The following WNT2B variants were observed in gnomAD, a reference collection of about 807,000 sequenced individuals.
WNT2B encodes the protein Wnt family member 2B, also known as protein Wnt-2b.
WNT2B carries 19 observed loss-of-function variants against 40.5 expected under a neutral mutation model. The observed-to-expected ratio is 0.47, with a 90% CI of 0.33 to 0.69. The LOEUF is 0.69. Ranked by LOEUF, WNT2B falls within the 30% of genes least tolerant of loss-of-function variation. The pLI, the probability that WNT2B is intolerant of heterozygous loss-of-function variation, is 0.02. For synonymous variants in WNT2B, 220 were observed against 211.9 expected, an observed-to-expected ratio of 1.04 and a Z score of -0.33; for missense variants, 467 against 556.4, an observed-to-expected ratio of 0.84 and a Z score of 1.62.
At chr1:112,488,171 C>T (rs1404159638) in intron 1 of WNT2B, among the ~76,000 whole-genome samples, 1 of 151,790 alleles carries the variant, frequency 6.6e-6, no homozygotes. Flanking sequence ...GTGGTGCACG[C>T]CTAGTAATCC....
chr1:112,509,109 C>G lies in WNT2B; in HGVS notation c.-154C>G. On this transcript the variant is annotated 5_prime_UTR_variant, in exon 1 of 5. Coordinates refer to ENST00000369684, the MANE Select transcript of WNT2B (RefSeq NM_024494.3). The surrounding 1 kb of genome is among the most constrained non-coding windows in gnomAD (Gnocchi z 4.2). ...ACTTGCGCCCCTCTCGGGGATCCTC[C>G]TCCCGGGCTCTGGACCCCAGGTGAT... 7.4e-7 allele frequency: 1 copy of G among 1,358,886 alleles called. No individual in the cohort carries two copies. The highest frequency in any genetic ancestry group is 9.4e-7 in the Non-Finnish European group (1 of 1,064,012). 84.2% of individuals were successfully genotyped at this position (1,358,886 alleles called of 1,614,324 possible). A position where few individuals can be genotyped will look rare whatever the true frequency, so the allele number is the denominator to read the frequency against.
intron 1 of WNT2B, among the ~76,000 whole-genome samples, chr1:112,492,436 G>A (rs1166991753): frequency 6.6e-6 from 1 of 152,206 alleles, no homozygotes; most frequent in African/African-American, 2.4e-5. Flanking sequence ...TGGAGACTCA[G>A]TATGGACAAC....
At position 112,497,674 on chromosome 1, in the gene WNT2B, CCAAA is replaced by C. The variant is rs139985516; in HGVS notation, c.-94-17197_-94-17194del. 8.1e-3 allele frequency among the ~76,000 whole-genome samples: 1,234 copies of C among 152,344 alleles called. 12 individuals carry two copies. The highest frequency in any genetic ancestry group is 0.028 in the African/African-American group (1,148 of 41,564). The stretch of plus-strand genomic sequence containing the variant: ...CCTTCTATCCTTATTAATCTCCTTA[CCAAA>C]CAGTCACTTGGCCACACCTTTGGTT... On this transcript the variant is annotated intron_variant, in intron 1 of 4. Transcript: ENST00000256640.
At chr1:112,498,077 C>T (rs1308698954) in intron 1 of WNT2B, among the ~76,000 whole-genome samples, 2 of 149,334 alleles carry the variant, frequency 1.3e-5, no homozygotes, top group Admixed American at 1.3e-4. Flanking sequence ...TGTCCCCTTT[C>T]CCCCCCAACC....
At chr1:112,502,367 G>C (rs1016622087) in intron 1 of WNT2B, among the ~76,000 whole-genome samples, 1 of 152,228 alleles carries the variant, frequency 6.6e-6, no homozygotes, top group African/African-American at 2.4e-5. Flanking sequence ...GGAGGGCTGC[G>C]CCGGGCAGAT....
chr1:112,501,653 A>ATG (rs34840384), intron 1 of WNT2B, among the ~76,000 whole-genome samples: 49,045 of 151,932 alleles, frequency 0.32, 8,993 homozygotes, highest in South Asian at 0.56. Context: ...TCCTGAGTTT[A>ATG]TGTTAATTTT....
rs1652243837 is a variant in WNT2B at position 112,509,179 on chromosome 1, G to T, written c.-84G>T. 1.4e-6 allele frequency: 2 copies of T among 1,398,662 alleles called. No homozygotes were observed. Among genetic ancestry groups the T allele is most frequent in the African/African-American group, 1.5e-5 (1 of 65,628 alleles). The allele number at this position is 1,398,662 out of a possible 1,614,324, so 86.6% of individuals were successfully genotyped here. On this transcript the variant is annotated 5_prime_UTR_variant, in exon 1 of 5. Transcript: ENST00000369684. This position sits in a 1 kb window ranked among gnomAD's most constrained non-coding sequence, Gnocchi z 4.2. ...GCGAACACCATGGCCCCCCAGGGGG[G>T]TGAGGTAGGAGCAGCCTGAGTACCC...
intron 1 of WNT2B, among the ~76,000 whole-genome samples, chr1:112,472,559 G>GAAAAAAAAAAAA (rs35939097): frequency 1.1e-5 from 1 of 89,128 alleles, no homozygotes; most frequent in Non-Finnish European, 2.5e-5. Flanking sequence ...CCCAACCAAT[G>GAAAAAAAAAAAA]AAAAAAAAAA....
At chr1:112,471,274 A>C (rs758121493) in intron 1 of WNT2B, among the ~76,000 whole-genome samples, 2 of 152,172 alleles carry the variant, frequency 1.3e-5, no homozygotes, top group African/African-American at 2.4e-5. Context: ...CACTAGTCTC[A>C]GAGTTTGTAT....
chr1:112,513,084 C>G (rs896974349), intron 1 of WNT2B, among the ~76,000 whole-genome samples: 1 of 151,960 alleles, frequency 6.6e-6, no homozygotes, highest in Non-Finnish European at 1.5e-5. Context: ...TTATTGGTCT[C>G]TCATTCCCAT....
chr1:112,515,228 GC>G lies in WNT2B; in HGVS notation c.403+137del. On this transcript the variant is annotated intron_variant, in intron 2 of 4. Coordinates refer to ENST00000369684, the MANE Select transcript of WNT2B (RefSeq NM_024494.3). The surrounding 1 kb of genome is among the most constrained non-coding windows in gnomAD (Gnocchi z 4.4). ...CATCAGAGAAAGAACTGTGGGCAGA[GC>G]CCAGGATATAATTGGGAACAGACTC... The G allele has an allele frequency of 9.2e-7, 1 of 1,092,302 alleles. No homozygotes were observed. Among genetic ancestry groups the G allele is most frequent in the Non-Finnish European group, 1.3e-6 (1 of 763,548 alleles). 67.7% of individuals were successfully genotyped at this position (1,092,302 alleles called of 1,614,324 possible). A position where few individuals can be genotyped will look rare whatever the true frequency, so the allele number is the denominator to read the frequency against.
chr1:112,480,329 T>C (rs1010426908), intron 1 of WNT2B, among the ~76,000 whole-genome samples: 1 of 140,478 alleles, frequency 7.1e-6, no homozygotes, highest in Non-Finnish European at 1.5e-5. Flanking sequence ...ATCACACCAC[T>C]GCACTCAGCC....
chr1:112,468,508 G>A (rs1369071729), intron 1 of WNT2B, among the ~76,000 whole-genome samples: 4 of 152,034 alleles, frequency 2.6e-5, no homozygotes, highest in South Asian at 4.2e-4. Context: ...GGGGTAAGAC[G>A]ATATCTCATT....
intron 1 of WNT2B, among the ~76,000 whole-genome samples, chr1:112,487,043 C>T (rs1651438781): frequency 6.6e-6 from 1 of 152,070 alleles, no homozygotes. Context: ...TTTTACATGT[C>T]AAAGCCAAAA....
chr1:112,514,071 T>C (rs1388620561), intron 1 of WNT2B, among the ~76,000 whole-genome samples: 1 of 152,252 alleles, frequency 6.6e-6, no homozygotes, highest in Admixed American at 6.5e-5. Context: ...CCATCTCAAT[T>C]GACCTTCTTT....
chr1:112,482,381 G>C (rs894402407), intron 1 of WNT2B, among the ~76,000 whole-genome samples: 2 of 152,102 alleles, frequency 1.3e-5, no homozygotes, highest in Non-Finnish European at 2.9e-5. Context: ...TGTCACCCAG[G>C]CTGCAGTGCA....
intron 1 of WNT2B, among the ~76,000 whole-genome samples, chr1:112,485,413 A>T (rs867054032): frequency 4.0e-5 from 6 of 150,900 alleles, no homozygotes; most frequent in Non-Finnish European, 7.4e-5. Flanking sequence ...GTGAGCCAAG[A>T]TTGTGCCACT....
chr1:112,517,437 A>G, intron 4 of WNT2B, 52 bp downstream of exon 4: 1 of 1,554,982 alleles, frequency 6.4e-7, no homozygotes, highest in Non-Finnish European at 8.7e-7. Flanking sequence ...TAGTGCAGGC[A>G]CCCCTGGTTA....
At chr1:112,470,107 A>G (rs191266420) in intron 1 of WNT2B, among the ~76,000 whole-genome samples, 1 of 152,128 alleles carries the variant, frequency 6.6e-6, no homozygotes, top group African/African-American at 2.4e-5. Flanking sequence ...TTGATTGCTC[A>G]ATGACCTTTT....
Sources: allele counts gnomAD v4.1 joint callset (sites outside exome capture counted in the v4.1 genomes callset), GRCh38; gene constraint gnomAD v4.1.1; non-coding constraint Gnocchi (gnomAD v3.1); transcripts MANE v1.5; gene names NCBI Gene and HGNC (gene_info 2026-07-23, HGNC 2026-07-21).